RBMS1: variants seen among roughly 807,000 people sequenced by gnomAD.
RBMS1 encodes the protein RNA-binding motif, single-stranded-interacting protein 1.
In RBMS1, 17 loss-of-function variants were observed where a neutral mutation model predicts 62.3. The ratio of observed to expected loss-of-function variants is 0.27; its 90% CI spans 0.19 to 0.41. RBMS1 has a LOEUF of 0.41. RBMS1 is among the 10% of genes least tolerant of loss of function. RBMS1 has a pLI of 1.00. For missense variants in RBMS1, 334 were observed against 504.5 expected, an observed-to-expected ratio of 0.66 and a Z score of 3.24; for synonymous variants, 172 against 170.0, an observed-to-expected ratio of 1.01 and a Z score of -0.09.
In RBMS1 at chr2:160,383,775, C is replaced by T. The variant is rs747360639; in HGVS notation, c.76-16384G>A. Among the ~76,000 whole-genome samples the T allele has an allele frequency of 3.9e-5, 6 of 152,148 alleles. No individual in the cohort carries two copies. The South Asian group carries it at 8.3e-4, about 21-fold the overall frequency. On this transcript the variant is annotated intron_variant, in intron 1 of 13. Transcript: ENST00000348849. ...AATTATTTTACAGAAGCAGCCACTA[C>T]GTTGTAATACCAATGAGTTCTTTAA...
In RBMS1 at chr2:160,451,603, TTTA is replaced by T. The variant is rs1014100092; in HGVS notation, c.75+41683_75+41685del. Among the ~76,000 whole-genome samples, 168 of 152,006 alleles carry T rather than the reference TTTA, an allele frequency of 1.1e-3. 1 individual carries two copies. The highest frequency in any genetic ancestry group is 3.5e-3 in the African/African-American group (145 of 41,468). On this transcript the variant is annotated intron_variant, in intron 1 of 13. Transcript: ENST00000348849. Reference sequence around the variant, plus strand: ...ATAAAACGTTTAATGCAGCACTGTTTTTATTATTATTATTATTATTTTTTTGAC... The same window carrying T: ...ATAAAACGTTTAATGCAGCACTGTTTTTATTATTATTATTATTTTTTTGAC...
At chr2:160,275,846 G>A in intron 12 of RBMS1, 132 bp from the exon 13 acceptor site, 2 of 1,289,810 alleles carry the variant, frequency 1.6e-6, no homozygotes, top group Non-Finnish European at 2.1e-6. Context: ...ACGTCATGTA[G>A]AGCTTTCAAG....
chr2:160,492,236 T>C (rs1685862943), intron 1 of RBMS1, among the ~76,000 whole-genome samples: 1 of 152,216 alleles, frequency 6.6e-6, no homozygotes, highest in Non-Finnish European at 1.5e-5. Context: ...TGAAGAAGGC[T>C]GCTGCGTCCA....
intron 2 of RBMS1, among the ~76,000 whole-genome samples, chr2:160,361,844 A>T (rs948736002): frequency 6.6e-6 from 1 of 152,204 alleles, no homozygotes; most frequent in Non-Finnish European, 1.5e-5. Flanking sequence ...AAAATATTTT[A>T]TTATAAAAAA....
intron 1 of RBMS1, among the ~76,000 whole-genome samples, chr2:160,421,271 G>T (rs952946422): frequency 1.3e-5 from 2 of 151,850 alleles, no homozygotes; most frequent in Non-Finnish European, 2.9e-5. Context: ...ACATTAGGTA[G>T]ATCTCCTAAT....
At chr2:160,412,711 T>C (rs1335791988) in intron 1 of RBMS1, among the ~76,000 whole-genome samples, 2 of 152,184 alleles carry the variant, frequency 1.3e-5, no homozygotes, top group African/African-American at 2.4e-5. Context: ...ATATTGGATA[T>C]AACATGGGCG....
At chr2:160,400,164 G>A (rs1695359850) in intron 1 of RBMS1, among the ~76,000 whole-genome samples, 2 of 152,062 alleles carry the variant, frequency 1.3e-5, no homozygotes, top group African/African-American at 4.8e-5. Context: ...CTACAATGCT[G>A]ACATTATCTG....
At chr2:160,467,716 T>C (rs371705007) in intron 1 of RBMS1, among the ~76,000 whole-genome samples, 49 of 152,308 alleles carry the variant, frequency 3.2e-4, no homozygotes, top group African/African-American at 1.1e-3. Context: ...CATTAGTCTA[T>C]GTACCACTAA....
intron 7 of RBMS1, among the ~76,000 whole-genome samples, chr2:160,286,330 T>C (rs1392281397): frequency 3.4e-5 from 5 of 148,078 alleles, no homozygotes; most frequent in African/African-American, 1.2e-4. Context: ...ATTTTGTTTT[T>C]TTTTTTTGAG....
At chr2:160,338,498 G>C (rs1691696770) in intron 2 of RBMS1, among the ~76,000 whole-genome samples, 1 of 152,244 alleles carries the variant, frequency 6.6e-6, no homozygotes, top group South Asian at 2.1e-4. Context: ...ATAAGGTCTA[G>C]ATGAAAGTGC....
At chr2:160,459,981 T>C (rs186522182) in intron 1 of RBMS1, among the ~76,000 whole-genome samples, 25 of 152,270 alleles carry the variant, frequency 1.6e-4, no homozygotes, top group Admixed American at 9.8e-4. Context: ...GCATCATTAA[T>C]TGGGGAAAAT....
chr2:160,457,110 TTTTA>T (rs1279648662), intron 1 of RBMS1, among the ~76,000 whole-genome samples: 4 of 151,094 alleles, frequency 2.6e-5, no homozygotes, highest in African/African-American at 7.3e-5. Flanking sequence ...TTTATTTTAT[TTTTA>T]TTTATTTAAT....
At chr2:160,287,868 T>TACC (rs1688484618) in intron 6 of RBMS1, among the ~76,000 whole-genome samples, 1 of 151,640 alleles carries the variant, frequency 6.6e-6, no homozygotes, top group Non-Finnish European at 1.5e-5. Flanking sequence ...GGTATTGCTT[T>TACC]ACTATATATC....
In RBMS1 at chr2:160,281,276, AC is replaced by A. The variant is rs1273133667; in HGVS notation, c.951+37del. 22 of 1,530,448 alleles carry A rather than the reference AC, an allele frequency of 1.4e-5. No homozygotes were observed. In the Middle Eastern group the frequency reaches 2.0e-3, roughly 143 times the overall value. The allele number at this position is 1,530,448 out of a possible 1,614,324, so 94.8% of individuals were successfully genotyped here. A position where few individuals can be genotyped will look rare whatever the true frequency, so the allele number is the denominator to read the frequency against. On this transcript the variant is annotated intron_variant, in intron 10 of 13. Coordinates refer to ENST00000348849, the MANE Select transcript of RBMS1 (RefSeq NM_016836.4). ...CCTAGAGAGAATATACACATAACTT[AC>A]TTGTAAAACACAAAGTCATTAAGAT...
At chr2:160,481,403 T>A (rs1180638246) in intron 1 of RBMS1, among the ~76,000 whole-genome samples, 1 of 151,268 alleles carries the variant, frequency 6.6e-6, no homozygotes, top group African/African-American at 2.4e-5. Context: ...GTAAGCAGAT[T>A]TCTTAAACAG....
intron 2 of RBMS1, among the ~76,000 whole-genome samples, chr2:160,319,330 G>A (rs915474180): frequency 6.6e-6 from 1 of 152,142 alleles, no homozygotes; most frequent in Non-Finnish European, 1.5e-5. Flanking sequence ...TGGCCAACAT[G>A]GCAAAACCCT....
intron 1 of RBMS1, among the ~76,000 whole-genome samples, chr2:160,386,976 T>C (rs1456532351): frequency 6.6e-6 from 1 of 152,236 alleles, no homozygotes; most frequent in African/African-American, 2.4e-5. Flanking sequence ...GAAGCTACTG[T>C]TATTTTGTGT....
In RBMS1 at chr2:160,299,512, G is replaced by GAA. The variant is rs75420706; in HGVS notation, c.640+1137_640+1138dup. On this transcript the variant is annotated intron_variant, in intron 6 of 13. Transcript: ENST00000348849. ...GAAAATCAAATTTCTCGGCTTTGCT[G>GAA]AAAAAAAAAATGAACAAAAGCAAAA... Among the ~76,000 whole-genome samples, 9 of 150,052 alleles carry GAA rather than the reference G, an allele frequency of 6.0e-5. No individual in the cohort carries two copies. The East Asian group carries it at 9.7e-4, about 16-fold the overall frequency.
intron 1 of RBMS1, among the ~76,000 whole-genome samples, chr2:160,473,886 T>C (rs556388869): frequency 4.2e-4 from 64 of 152,298 alleles, no homozygotes; most frequent in Non-Finnish European, 7.1e-4. Flanking sequence ...TTTCAATACC[T>C]TTTATATGAA....
Sources: gnomAD v4.1 joint callset for allele counts (sites outside exome capture counted in the v4.1 genomes callset) on GRCh38, gnomAD v4.1.1 for gene constraint, MANE v1.5 for transcripts, NCBI Gene and HGNC (gene_info 2026-07-23, HGNC 2026-07-21) for gene names.